Variants in PCED1B observed in about 807,000 individuals in gnomAD.
PCED1B encodes the protein PC-esterase domain-containing protein 1B.
For missense variants in PCED1B, 573 were observed against 573.9 expected, an observed-to-expected ratio of 1.00 and a Z score of 0.02; for synonymous variants, 251 against 246.1, an observed-to-expected ratio of 1.02 and a Z score of -0.19.
intron 2 of PCED1B, among the ~76,000 whole-genome samples, chr12:47,160,859 C>T (rs1290583967): frequency 6.6e-6 from 1 of 152,084 alleles, no homozygotes; most frequent in Non-Finnish European, 1.5e-5. Context: ...GGACTCTGCC[C>T]TTGTGTGTGG....
intron 2 of PCED1B, among the ~76,000 whole-genome samples, chr12:47,179,132 T>C (rs1344219635): frequency 6.6e-6 from 1 of 152,260 alleles, no homozygotes. Flanking sequence ...ACTGTGAGGT[T>C]GCAACCACAA....
At chr12:47,157,295 G>T (rs1208681194) in intron 2 of PCED1B, among the ~76,000 whole-genome samples, 2 of 152,172 alleles carry the variant, frequency 1.3e-5, no homozygotes, top group Non-Finnish European at 2.9e-5. Flanking sequence ...TATAAAGACA[G>T]AAACCATCTG....
At chr12:47,173,713 A>C (rs937242213) in intron 2 of PCED1B, among the ~76,000 whole-genome samples, 16 of 152,328 alleles carry the variant, frequency 1.1e-4, no homozygotes, top group African/African-American at 3.8e-4. Context: ...TAATCTTTGA[A>C]GTACCAGAAG....
chr12:47,158,620 TACTG>T (rs2137490287), intron 2 of PCED1B, among the ~76,000 whole-genome samples: 1 of 152,332 alleles, frequency 6.6e-6, no homozygotes, highest in East Asian at 1.9e-4. Context: ...ACTCTGTTGA[TACTG>T]TCTTTTGATG....
chr12:47,141,730 C>T (rs1401010428), intron 2 of PCED1B, among the ~76,000 whole-genome samples: 1 of 152,192 alleles, frequency 6.6e-6, no homozygotes, highest in Non-Finnish European at 1.5e-5. Context: ...TAAGCTGCAA[C>T]CTGGCTGCAG....
intron 2 of PCED1B, among the ~76,000 whole-genome samples, chr12:47,164,403 A>G (rs1298036736): frequency 6.6e-6 from 1 of 152,254 alleles, no homozygotes; most frequent in Non-Finnish European, 1.5e-5. Context: ...ATCTAAAACC[A>G]GCAGGGCAGA....
chr12:47,177,158 T>G (rs1941949433), intron 2 of PCED1B, among the ~76,000 whole-genome samples: 1 of 152,158 alleles, frequency 6.6e-6, no homozygotes, highest in Non-Finnish European at 1.5e-5. Flanking sequence ...GGGAAGGGGA[T>G]GCTATCCAGT....
intron 1 of PCED1B, among the ~76,000 whole-genome samples, chr12:47,101,213 C>T (rs2137218964): frequency 6.6e-6 from 1 of 152,084 alleles, no homozygotes; most frequent in African/African-American, 2.4e-5. Flanking sequence ...TTATTATTAT[C>T]TATACCAGAT....
intron 1 of PCED1B, among the ~76,000 whole-genome samples, chr12:47,097,267 A>T (rs1244039603): frequency 6.6e-6 from 1 of 152,234 alleles, no homozygotes; most frequent in Non-Finnish European, 1.5e-5. Context: ...TAGAAAATAC[A>T]TCCCTCAAAA....
intron 3 of PCED1B, among the ~76,000 whole-genome samples, chr12:47,218,892 G>A (rs1268073946): frequency 6.6e-6 from 1 of 152,048 alleles, no homozygotes; most frequent in Non-Finnish European, 1.5e-5. Context: ...TGTAATCCCA[G>A]CACTTTGGGA....
chr12:47,090,044 A>T (rs1286998694), intron 1 of PCED1B, among the ~76,000 whole-genome samples: 2 of 152,192 alleles, frequency 1.3e-5, no homozygotes, highest in African/African-American at 4.8e-5. Flanking sequence ...AAGTGCTGGG[A>T]TTACAGGCGT....
At chr12:47,204,777 A>G (rs1942866104) in intron 2 of PCED1B, among the ~76,000 whole-genome samples, 1 of 152,188 alleles carries the variant, frequency 6.6e-6, no homozygotes, top group African/African-American at 2.4e-5. Flanking sequence ...CTTATTGTCT[A>G]CAGATGGGCC....
chr12:47,215,340 G>A (rs1444827688), intron 2 of PCED1B, among the ~76,000 whole-genome samples: 1 of 149,376 alleles, frequency 6.7e-6, no homozygotes, highest in African/African-American at 2.5e-5. Context: ...TGCAACCTCC[G>A]CCTCCTGGGT....
intron 1 of PCED1B, among the ~76,000 whole-genome samples, chr12:47,096,605 C>T (rs974166294): frequency 6.6e-6 from 1 of 152,146 alleles, no homozygotes; most frequent in Non-Finnish European, 1.5e-5. Flanking sequence ...CTTTCATAAA[C>T]ATAATCTGGG....
intron 2 of PCED1B, among the ~76,000 whole-genome samples, chr12:47,116,461 A>G (rs562806041): frequency 6.2e-4 from 95 of 152,288 alleles, no homozygotes; most frequent in Non-Finnish European, 1.1e-3. Context: ...ATTGGCATAG[A>G]GTTTTTTTCT....
chr12:47,180,137 A>C (rs888639742), intron 2 of PCED1B, among the ~76,000 whole-genome samples: 10 of 151,954 alleles, frequency 6.6e-5, no homozygotes, highest in African/African-American at 1.2e-4. Context: ...GTTCCTCACT[A>C]TGTGTCTATG....
At chr12:47,234,090 GC>G (rs1943895769) in intron 3 of PCED1B, among the ~76,000 whole-genome samples, 1 of 152,204 alleles carries the variant, frequency 6.6e-6, no homozygotes, top group Admixed American at 6.5e-5. Context: ...CTGGGTCCAA[GC>G]AATTCTCCTG....
chr12:47,128,403 C>T (rs185963300), intron 2 of PCED1B, among the ~76,000 whole-genome samples: 5 of 152,196 alleles, frequency 3.3e-5, no homozygotes, highest in East Asian at 3.9e-4. Context: ...CACTCTGGGC[C>T]GCCTTACTCT....
intron 2 of PCED1B, among the ~76,000 whole-genome samples, chr12:47,168,865 T>C (rs1024474976): frequency 1.1e-4 from 17 of 152,156 alleles, no homozygotes. Flanking sequence ...TTAGAGAATA[T>C]AACCTGTAAA....
Sources: gnomAD v4.1 joint callset for allele counts (sites outside exome capture counted in the v4.1 genomes callset) on GRCh38, gnomAD v4.1.1 for gene constraint, MANE v1.5 for transcripts, NCBI Gene and HGNC (gene_info 2026-07-23, HGNC 2026-07-21) for gene names.